Variants in RASA1 observed in about 807,000 individuals in gnomAD.
RASA1 encodes the protein ras GTPase-activating protein 1.
A neutral mutation model predicts 132.2 loss-of-function variants in RASA1; 25 were observed. The observed-to-expected ratio is 0.19, with a 90% confidence interval of 0.14 to 0.26. The LOEUF is 0.26. RASA1 is among the 10% of genes least tolerant of loss of function. The pLI, the probability that RASA1 is intolerant of heterozygous loss-of-function variation, is 1.00. For missense variants in RASA1, 964 were observed against 1,299.2 expected (o/e 0.74, Z 3.97); for synonymous variants, 477 against 449.9 (o/e 1.06, Z -0.76).
At chr5:87,327,064 A>T (rs1757284287) in intron 1 of RASA1, among the ~76,000 whole-genome samples, 1 of 152,134 alleles carries the variant, frequency 6.6e-6, no homozygotes, top group Non-Finnish European at 1.5e-5. Flanking sequence ...CTCCCCTGTG[A>T]TACTGGTTTG....
intron 1 of RASA1, among the ~76,000 whole-genome samples, chr5:87,300,835 A>G (rs1223556489): frequency 6.6e-6 from 1 of 152,232 alleles, no homozygotes; most frequent in Non-Finnish European, 1.5e-5. Flanking sequence ...AATGGTGACA[A>G]AATCCTGAGA....
intron 1 of RASA1, among the ~76,000 whole-genome samples, chr5:87,304,305 CTT>C (rs1283813332): frequency 6.6e-6 from 1 of 152,082 alleles, no homozygotes; most frequent in Non-Finnish European, 1.5e-5. Flanking sequence ...ACATCTTAGT[CTT>C]TTAGTGATTG....
At position 87,391,011 on chromosome 5, in the gene RASA1, T is replaced by G. The variant is rs1481277823; in HGVS notation, c.*128T>G. The stretch of plus-strand genomic sequence containing the variant: ...CCACATTCCAGTGATGTGTGAGCTA[T>G]GCAAACAAAATCCAAGATTCTGCTG... On this transcript the variant is annotated 3_prime_UTR_variant, in exon 25 of 25. Transcript: ENST00000274376. The G allele has an allele frequency of 1.1e-6, 1 of 949,820 alleles. No individual in the cohort carries two copies. Among genetic ancestry groups the G allele is most frequent in the Non-Finnish European group, 1.7e-6 (1 of 596,270 alleles). The allele number at this position is 949,820 out of a possible 1,614,324, so 58.8% of individuals were successfully genotyped here. A position where few individuals can be genotyped will look rare whatever the true frequency, so the allele number is the denominator to read the frequency against.
At position 87,383,734 on chromosome 5, in the gene RASA1, C is replaced by T; in HGVS notation, c.2712C>T (p.Leu904=). 1.9e-6 allele frequency: 3 copies of T among 1,609,230 alleles called. No homozygotes were observed. Among genetic ancestry groups the T allele is most frequent in the Middle Eastern group, 1.7e-4 (1 of 6,016 alleles). Reference sequence around the variant, plus strand: ...TCAGTGGTTTTGTTTTTCTTCGACTCATCTGTCCTGCCATCCTGAATCCAC... The same window carrying T: ...TCAGTGGTTTTGTTTTTCTTCGACTTATCTGTCCTGCCATCCTGAATCCAC... The part of the protein sequence containing the change: ...RVVSGFVFLR[L]ICPAILNPRM... Residue 904 remains leucine, a synonymous_variant, in exon 21 of 25, where the codon CTC becomes CTT. Coordinates refer to ENST00000274376, the MANE Select transcript of RASA1 (RefSeq NM_002890.3).
At chr5:87,320,920 C>G (rs1756746762) in intron 1 of RASA1, among the ~76,000 whole-genome samples, 2 of 152,180 alleles carry the variant, frequency 1.3e-5, no homozygotes, top group South Asian at 4.1e-4. Flanking sequence ...AGAAGGGAGG[C>G]TGGAGCCTTT....
At chr5:87,295,983 A>C (rs1755102202) in intron 1 of RASA1, among the ~76,000 whole-genome samples, 1 of 150,662 alleles carries the variant, frequency 6.6e-6, no homozygotes, top group South Asian at 2.1e-4. Context: ...CGCCCAGCTA[A>C]TTTTTGTGTT....
intron 1 of RASA1, among the ~76,000 whole-genome samples, chr5:87,327,249 C>G (rs1757297774): frequency 6.6e-6 from 1 of 152,146 alleles, no homozygotes; most frequent in African/African-American, 2.4e-5. Flanking sequence ...AAGTAATCTG[C>G]CTACATTTGC....
intron 1 of RASA1, among the ~76,000 whole-genome samples, chr5:87,303,549 G>T (rs1304899047): frequency 6.6e-6 from 1 of 151,840 alleles, no homozygotes; most frequent in Non-Finnish European, 1.5e-5. Context: ...CTAGCATATT[G>T]TGAAGACATA....
At chr5:87,307,633 G>A (rs533324772) in intron 1 of RASA1, among the ~76,000 whole-genome samples, 2 of 152,098 alleles carry the variant, frequency 1.3e-5, no homozygotes, top group East Asian at 3.9e-4. Flanking sequence ...AACTGTTATA[G>A]CCTTCTGTCT....
At chr5:87,290,512 G>A (rs1754868855) in intron 1 of RASA1, among the ~76,000 whole-genome samples, 1 of 152,120 alleles carries the variant, frequency 6.6e-6, no homozygotes, top group South Asian at 2.1e-4. Flanking sequence ...AGTGTTCATA[G>A]TTTACATTAG....
At chr5:87,311,459 A>C (rs1755906639) in intron 1 of RASA1, among the ~76,000 whole-genome samples, 1 of 152,232 alleles carries the variant, frequency 6.6e-6, no homozygotes, top group African/African-American at 2.4e-5. Context: ...CTAACAGAAC[A>C]TGGCAAAACT....
In RASA1 at chr5:87,389,378, A is replaced by C. The variant is rs1345196155; in HGVS notation, c.2926-15A>C. 6.2e-7 allele frequency: 1 copy of C among 1,613,880 alleles called. No homozygotes were observed. ...GATTTGTATTTCTAAATGCAATTTT[A>C]CGATTCCCTTAAAGAATGTACCTGA... On this transcript the variant is annotated splice_polypyrimidine_tract_variant and intron_variant, in intron 23 of 24. Transcript: ENST00000274376.
intron 1 of RASA1, among the ~76,000 whole-genome samples, chr5:87,309,648 A>G (rs1175192934): frequency 6.6e-6 from 1 of 151,888 alleles, no homozygotes; most frequent in Non-Finnish European, 1.5e-5. Flanking sequence ...CACATCTTGT[A>G]TTTTGCCTGC....
At chr5:87,380,696 CT>C in intron 20 of RASA1, 101 bp downstream of exon 20, 2 of 1,117,382 alleles carry the variant, frequency 1.8e-6, no homozygotes, top group Non-Finnish European at 2.7e-6. Flanking sequence ...TTTTCTTTGG[CT>C]TTTATGTCAA....
intron 1 of RASA1, among the ~76,000 whole-genome samples, chr5:87,281,544 T>C (rs547704964): frequency 2.0e-5 from 3 of 152,084 alleles, no homozygotes; most frequent in African/African-American, 4.8e-5. Flanking sequence ...TATATATATA[T>C]CTTTTTTTTG....
At chr5:87,295,260 T>C (rs1755068663) in intron 1 of RASA1, among the ~76,000 whole-genome samples, 1 of 152,036 alleles carries the variant, frequency 6.6e-6, no homozygotes. Context: ...CTTGTTCATA[T>C]AGTAGGATCT....
At chr5:87,283,856 AG>A (rs1754427473) in intron 1 of RASA1, among the ~76,000 whole-genome samples, 1 of 152,148 alleles carries the variant, frequency 6.6e-6, no homozygotes. Context: ...AGGGTGTTAT[AG>A]CCATCTTAAG....
chr5:87,295,543 G>GT, intron 1 of RASA1, among the ~76,000 whole-genome samples: 1 of 151,332 alleles, frequency 6.6e-6, no homozygotes, highest in East Asian at 1.9e-4. Flanking sequence ...TTGAGACACT[G>GT]TATCACCCAG....
chr5:87,287,415 TACACCATATATAC>T (rs1365159043), intron 1 of RASA1, among the ~76,000 whole-genome samples: 3 of 144,024 alleles, frequency 2.1e-5, no homozygotes, highest in Non-Finnish European at 3.0e-5. Flanking sequence ...ACACCATATA[TACACCATATATAC>T]ACACCATATA....
Sources: allele counts gnomAD v4.1 joint callset (sites outside exome capture counted in the v4.1 genomes callset), GRCh38; gene constraint gnomAD v4.1.1; transcripts MANE v1.5; gene names NCBI Gene and HGNC (gene_info 2026-07-23, HGNC 2026-07-21).